The following TAF12 variants were observed in gnomAD, a reference collection of about 807,000 sequenced individuals.
TAF12 encodes transcription initiation factor TFIID subunit 12.
In TAF12, 3 loss-of-function variants were observed where a neutral mutation model predicts 20.8. The ratio of observed to expected loss-of-function variants is 0.14; its 90% CI spans 0.07 to 0.37. TAF12 has a LOEUF of 0.37. TAF12 is among the 10% of genes least tolerant of loss of function. The probability of loss-of-function intolerance (pLI) is 1.00; values close to 1 mark genes in which losing one functional copy is unlikely to be tolerated. For missense variants in TAF12, 131 were observed against 197.9 expected (o/e 0.66, Z 2.03); for synonymous variants, 69 against 70.2 (o/e 0.98, Z 0.09).
chr1:28,633,830 A>G (rs1667724452), intron 1 of TAF12, among the ~76,000 whole-genome samples: 1 of 147,490 alleles, frequency 6.8e-6, no homozygotes, highest in Non-Finnish European at 1.5e-5. Flanking sequence ...GAGAATCGCT[A>G]GAATCCGGGA....
At chr1:28,615,681 A>G (rs1304697924) in intron 3 of TAF12, among the ~76,000 whole-genome samples, 5 of 76,092 alleles carry the variant, frequency 6.6e-5, no homozygotes, top group Non-Finnish European at 3.1e-5. Flanking sequence ...TCCGTCTCAA[A>G]AAAAAAAAAA....
intron 1 of TAF12, among the ~76,000 whole-genome samples, chr1:28,640,614 T>C (rs1288331230): frequency 2.6e-5 from 4 of 152,198 alleles, no homozygotes; most frequent in African/African-American, 7.2e-5. Flanking sequence ...TTAGTCTGAG[T>C]AGGTTTCAGA....
chr1:28,612,514 TATATAA>T (rs1018933117), intron 4 of TAF12, among the ~76,000 whole-genome samples: 4 of 144,910 alleles, frequency 2.8e-5, no homozygotes, highest in African/African-American at 1.0e-4. Flanking sequence ...ATAAAAATTA[TATATAA>T]ATATATATAA....
chr1:28,610,762 C>T (rs1020990037), intron 4 of TAF12, among the ~76,000 whole-genome samples: 3 of 151,902 alleles, frequency 2.0e-5, no homozygotes, highest in Non-Finnish European at 4.4e-5. Context: ...GAGTTTGAGA[C>T]CAGCCTGGCC....
upstream of TAF12, chr1:28,643,211 A>G (rs539832520): frequency 1.3e-4 from 86 of 672,948 alleles, no homozygotes; most frequent in Middle Eastern, 4.5e-3. Context: ...AGCTGTGTGT[A>G]GGTACACCCT....
intron 1 of TAF12, among the ~76,000 whole-genome samples, chr1:28,630,906 C>G (rs779538598): frequency 6.6e-6 from 1 of 151,604 alleles, no homozygotes; most frequent in Non-Finnish European, 1.5e-5. Flanking sequence ...ATTAGCAGGG[C>G]ATAGTGGTGG....
chr1:28,642,882 A>T, intron 1 of TAF12, 110 bp downstream of exon 1: 2 of 985,984 alleles, frequency 2.0e-6, no homozygotes, highest in Non-Finnish European at 2.4e-6. Flanking sequence ...GAATCCTCAC[A>T]GCCCCGTCTC....
chr1:28,647,758 T>C (rs1458771310), upstream of TAF12, among the ~76,000 whole-genome samples: 3 of 151,882 alleles, frequency 2.0e-5, no homozygotes, highest in Admixed American at 6.6e-5. Context: ...CCTGTAGTCC[T>C]AGCTACTTGG....
chr1:28,633,777 T>C (rs549586024), intron 1 of TAF12, among the ~76,000 whole-genome samples: 3 of 151,910 alleles, frequency 2.0e-5, no homozygotes, highest in African/African-American at 7.2e-5. Context: ...CTGGGCATGG[T>C]GGTGCATGCC....
chr1:28,625,519 C>T (rs1667351030), intron 1 of TAF12, among the ~76,000 whole-genome samples: 2 of 151,572 alleles, frequency 1.3e-5, no homozygotes, highest in South Asian at 4.2e-4. Context: ...TACATGTGCA[C>T]ACCACTGCAC....
At chr1:28,632,816 CTA>C (rs1358517070) in intron 1 of TAF12, among the ~76,000 whole-genome samples, 4 of 151,948 alleles carry the variant, frequency 2.6e-5, no homozygotes, top group East Asian at 1.9e-4. Flanking sequence ...TTGTCATATT[CTA>C]TGAGTTATGA....
At chr1:28,643,995 G>A (rs1668122747), upstream of TAF12, among the ~76,000 whole-genome samples, 1 of 151,620 alleles carries the variant, frequency 6.6e-6, no homozygotes, top group Admixed American at 6.6e-5. Flanking sequence ...AGGTTGCAGT[G>A]AGCCGAGATC....
intron 5 of TAF12, among the ~76,000 whole-genome samples, chr1:28,604,727 A>G (rs937061644): frequency 6.6e-6 from 1 of 152,198 alleles, no homozygotes; most frequent in African/African-American, 2.4e-5. Flanking sequence ...CTAAGCTTGG[A>G]AAAAGCTCAC....
chr1:28,612,905 A>G (rs192533188), intron 4 of TAF12, among the ~76,000 whole-genome samples: 3 of 152,286 alleles, frequency 2.0e-5, no homozygotes, highest in African/African-American at 7.2e-5. Context: ...TGTGCCAGTC[A>G]CTTTACAGAC....
At position 28,629,687 on chromosome 1, in the gene TAF12, C is replaced by G. The variant is rs140472970; in HGVS notation, c.-84-7522G>C. Among the ~76,000 whole-genome samples, 877 of 152,210 alleles carry G rather than the reference C, an allele frequency of 5.8e-3. 5 individuals are homozygous for G. The highest frequency in any genetic ancestry group is 0.01 in the Middle Eastern group (3 of 294). ...GAGATAGGTCTTGCTGTTGCCCAGG[C>G]TGGAGTGCAGTGGTGAAATCACAGC... On this transcript the variant is annotated intron_variant, in intron 1 of 5. Coordinates refer to ENST00000373824, the MANE Select transcript of TAF12 (RefSeq NM_005644.4).
intron 5 of TAF12, among the ~76,000 whole-genome samples, chr1:28,605,154 AC>A (rs1666623897): frequency 6.6e-6 from 1 of 152,124 alleles, no homozygotes; most frequent in Non-Finnish European, 1.5e-5. Context: ...ACGAGAAAAA[AC>A]AGACCACATG....
chr1:28,642,437 AG>A (rs1023119390), intron 1 of TAF12, among the ~76,000 whole-genome samples: 7 of 152,020 alleles, frequency 4.6e-5, no homozygotes, highest in Admixed American at 2.6e-4. Context: ...TCCGAGACTC[AG>A]GAACTCGGAG....
At chr1:28,647,971 A>G (rs762978199), upstream of TAF12, among the ~76,000 whole-genome samples, 1 of 151,354 alleles carries the variant, frequency 6.6e-6, no homozygotes, top group African/African-American at 2.4e-5. Context: ...TTATTCTACA[A>G]CTCTTTTCAC....
At chr1:28,617,908 C>G (rs773820017) in intron 3 of TAF12, 45 bp downstream of exon 3, 1 of 1,561,224 alleles carries the variant, frequency 6.4e-7, no homozygotes, top group Non-Finnish European at 8.8e-7. Context: ...CTATGCTATA[C>G]CGGTTCTCAG....
Sources: allele counts gnomAD v4.1 joint callset (sites outside exome capture counted in the v4.1 genomes callset), GRCh38; gene constraint gnomAD v4.1.1; transcripts MANE v1.5; gene names NCBI Gene and HGNC (gene_info 2026-07-23, HGNC 2026-07-21).